The following USP39 variants were observed in gnomAD, a reference collection of about 807,000 sequenced individuals.
The protein encoded by USP39 is ubiquitin specific peptidase 39.
In USP39, 38 loss-of-function variants were observed where a neutral mutation model predicts 66.4. The observed-to-expected ratio is 0.57, with a 90% CI of 0.44 to 0.75. The LOEUF (loss-of-function observed/expected upper bound fraction) is 0.75, where lower values mean the gene tolerates loss of function less well. Among genes scored for constraint, USP39 ranks in the 30% least tolerant of loss-of-function variants. The pLI, the probability that USP39 is intolerant of heterozygous loss-of-function variation, is 0.00. For missense variants in USP39, 608 were observed against 714.4 expected (o/e 0.85, Z 1.70); for synonymous variants, 303 against 274.6 (o/e 1.10, Z -1.02).
At position 85,639,406 on chromosome 2, in the gene USP39, C is replaced by T. The variant is rs371612599; in HGVS notation, c.1284+15C>T. 9.4e-5 allele frequency: 151 copies of T among 1,608,350 alleles called. No individual in the cohort carries two copies. The highest frequency in any genetic ancestry group is 1.2e-4 in the Non-Finnish European group (147 of 1,176,346). ...TCACTGAGAAGGTAGCCCATTAACACACCTGCCCTGCCTATACTTACCCTC... is the reference window on the plus strand; with the variant it reads ...TCACTGAGAAGGTAGCCCATTAACATACCTGCCCTGCCTATACTTACCCTC... On this transcript the variant is annotated intron_variant, in intron 9 of 12. Coordinates refer to ENST00000323701, the MANE Select transcript of USP39 (RefSeq NM_006590.4).
At chr2:85,617,632 AGAGC>A (rs1230452312) in intron 1 of USP39, among the ~76,000 whole-genome samples, 1 of 152,204 alleles carries the variant, frequency 6.6e-6, no homozygotes, top group Non-Finnish European at 1.5e-5. Flanking sequence ...GATAGGCAAC[AGAGC>A]GAGACCTCGT....
At chr2:85,625,880 T>C (rs760755008) in intron 5 of USP39, among the ~76,000 whole-genome samples, 189 bp downstream of exon 5, 1 of 150,800 alleles carries the variant, frequency 6.6e-6, no homozygotes, top group Non-Finnish European at 1.5e-5. Context: ...TAGCTAGATA[T>C]GGTGGTGGAA....
intron 1 of USP39, 48 bp downstream of exon 1, chr2:85,616,511 G>A: frequency 5.4e-6 from 7 of 1,300,658 alleles, no homozygotes; most frequent in Non-Finnish European, 6.0e-6. Flanking sequence ...TTTTTTTCGC[G>A]TCCTTTTTTC....
chr2:85,641,759 C>A (rs1373588244), intron 10 of USP39, among the ~76,000 whole-genome samples: 1 of 151,798 alleles, frequency 6.6e-6, no homozygotes, highest in Non-Finnish European at 1.5e-5. Flanking sequence ...AAAAAATTAG[C>A]CAGATGTGGT....
At chr2:85,603,601 T>C (rs1011857073) in intron 1 of USP39, among the ~76,000 whole-genome samples, 47 of 151,258 alleles carry the variant, frequency 3.1e-4, no homozygotes, top group Non-Finnish European at 5.2e-4. Context: ...TTTTCTTTTT[T>C]TTTTTTTTGA....
chr2:85,616,739 G>A, intron 1 of USP39, among the ~76,000 whole-genome samples: 1 of 148,042 alleles, frequency 6.8e-6, no homozygotes, highest in Non-Finnish European at 1.5e-5. Context: ...GTGCAGTGGC[G>A]CGATCTCGGC....
chr2:85,607,144 C>T (rs1005474497), upstream of USP39: 2 of 152,146 alleles, frequency 1.3e-5, no homozygotes, highest in African/African-American at 4.8e-5. Context: ...AACCAGGAAA[C>T]AGGTGATCCA....
chr2:85,645,482 C>T (rs779030983), intron 11 of USP39, among the ~76,000 whole-genome samples: 10 of 152,094 alleles, frequency 6.6e-5, no homozygotes, highest in Non-Finnish European at 1.3e-4. Context: ...CGGGGTTTTA[C>T]GATCTTGGCC....
chr2:85,639,454 C>CTTTT, intron 9 of USP39, 63 bp downstream of exon 9: 125 of 1,177,396 alleles, frequency 1.1e-4, no homozygotes, highest in East Asian at 8.3e-4. Context: ...TTTTCATTTT[C>CTTTT]TTTTTTTTTT....
intron 1 of USP39, chr2:85,606,614 T>TA (rs371046035): frequency 1.6e-4 from 25 of 152,264 alleles, no homozygotes; most frequent in African/African-American, 6.0e-4. Context: ...CTCTCTTGGG[T>TA]AAAAAATATT....
intron 8 of USP39, 121 bp downstream of exon 8, chr2:85,637,557 A>T: frequency 9.6e-7 from 1 of 1,042,082 alleles, no homozygotes; most frequent in East Asian, 2.5e-5. Context: ...TCAACAAAGC[A>T]CCTGCCTAGT....
At position 85,630,754 on chromosome 2, in the gene USP39, T is replaced by C. The variant is rs749540166; in HGVS notation, c.757T>C (p.Phe253Leu). ...LSNVPPLRNYFLEEDNYKNIK... is the reference protein window; with the variant it reads ...LSNVPPLRNYLLEEDNYKNIK... ...TAATGTTCCTCCTCTCCGGAACTAC[T>C]TTCTGGAAGAAGACAATTATAAGAA... Residue 253 changes from phenylalanine to leucine, a missense_variant, in exon 6 of 13, where the codon TTT becomes CTT. Phe to Leu is a conservative substitution (Grantham distance 22). Around this residue, in one of 6 missense-constraint regions of USP39, gnomAD observed 115 missense variants for 198.6 expected, o/e 0.58. Transcript: ENST00000323701. 9.9e-6 allele frequency: 16 copies of C among 1,614,098 alleles called. No homozygotes were observed. In the African/African-American group the frequency reaches 2.1e-4, roughly 22 times the overall value.
Position 85,616,209 on chromosome 2 carries a change from C to CCGGCCGGTA in USP39, c.14_15insCGGCCGGTA (p.Ser5_Lys6insGlyArgTyr). 6.9e-7 allele frequency: 1 copy of CCGGCCGGTA among 1,455,912 alleles called. No homozygotes were observed. Among genetic ancestry groups the CCGGCCGGTA allele is most frequent in the Middle Eastern group, 2.1e-4 (1 of 4,738 alleles). The allele number at this position is 1,455,912 out of a possible 1,614,324, so 90.2% of individuals were successfully genotyped here. On this transcript the variant is annotated inframe_insertion, in exon 1 of 13. Coordinates refer to ENST00000323701, the MANE Select transcript of USP39 (RefSeq NM_006590.4). Reference sequence around the variant, plus strand: ...CCGGTAGTGGAGATGTCCGGCCGGTCTAAGCGGGAGTCTCGCGGTTCCACT... The same window carrying CCGGCCGGTA: ...CCGGTAGTGGAGATGTCCGGCCGGTCCGGCCGGTATAAGCGGGAGTCTCGCGGTTCCACT...
At chr2:85,646,643 C>T (rs1183440172) in intron 11 of USP39, among the ~76,000 whole-genome samples, 1 of 152,198 alleles carries the variant, frequency 6.6e-6, no homozygotes, top group Non-Finnish European at 1.5e-5. Flanking sequence ...TCCAGAGGAT[C>T]TGGAATATTT....
Position 85,639,540 on chromosome 2 carries a change from T to C in USP39, c.1284+149T>C, listed in dbSNP as rs1169344932. On this transcript the variant is annotated intron_variant, in intron 9 of 12. Coordinates refer to ENST00000323701, the MANE Select transcript of USP39 (RefSeq NM_006590.4). ...CGTGATTTCGGCTGACTGCAATCTC[T>C]ACCTCCCAGTTTCAAGCGATTCTCC... 1.2e-5 allele frequency: 9 copies of C among 734,564 alleles called. No homozygotes were observed. The East Asian group carries it at 2.7e-4, about 22-fold the overall frequency. The allele number at this position is 734,564 out of a possible 1,614,324, so 45.5% of individuals were successfully genotyped here.
At chr2:85,631,474 C>T (rs1167814472) in intron 6 of USP39, among the ~76,000 whole-genome samples, 1 of 151,960 alleles carries the variant, frequency 6.6e-6, no homozygotes, top group Non-Finnish European at 1.5e-5. Context: ...GCCACTGTGC[C>T]CAGCTGCAGT....
upstream of USP39, chr2:85,609,738 GT>G (rs1673384694): frequency 9.7e-7 from 1 of 1,026,664 alleles, no homozygotes; most frequent in Admixed American, 2.8e-5. Flanking sequence ...CTGGAGTGCA[GT>G]GGTGCAATCT....
chr2:85,626,517 T>C (rs1674876980), intron 5 of USP39, among the ~76,000 whole-genome samples: 1 of 152,220 alleles, frequency 6.6e-6, no homozygotes, highest in African/African-American at 2.4e-5. Context: ...TTTTCTAGCC[T>C]CTGGCTCATG....
chr2:85,639,454 C>CTTTTTTT (rs10660019), intron 9 of USP39, 63 bp downstream of exon 9: 1 of 1,177,702 alleles, frequency 8.5e-7, no homozygotes, highest in East Asian at 2.9e-5. Flanking sequence ...TTTTCATTTT[C>CTTTTTTT]TTTTTTTTTT....
Sources: gnomAD v4.1 joint callset for allele counts (sites outside exome capture counted in the v4.1 genomes callset) on GRCh38, gnomAD v4.1.1 for gene constraint, gnomAD v4.1.1 regional missense constraint, MANE v1.5 for transcripts, NCBI Gene and HGNC (gene_info 2026-07-23, HGNC 2026-07-21) for gene names.